The following KHDRBS3 variants were observed in gnomAD, a reference collection of about 807,000 sequenced individuals.
The protein encoded by KHDRBS3 is KH domain-containing, RNA-binding, signal transduction-associated protein 3.
KHDRBS3 carries 23 observed loss-of-function variants against 45.6 expected under a neutral mutation model. That is an observed-to-expected ratio of 0.50 (90% CI 0.36 to 0.72). The LOEUF is 0.72. KHDRBS3 is among the 30% of genes least tolerant of loss of function. The pLI is 0.00. For missense variants in KHDRBS3, 352 were observed against 424.8 expected, an observed-to-expected ratio of 0.83 and a Z score of 1.51; for synonymous variants, 162 against 156.5, an observed-to-expected ratio of 1.04 and a Z score of -0.26.
chr8:135,626,960 G>C lies in KHDRBS3; in HGVS notation c.891-18099G>C, dbSNP rs186546612. Among the ~76,000 whole-genome samples, 351 of 152,110 alleles carry C rather than the reference G, an allele frequency of 2.3e-3. 4 individuals are homozygous for C. The highest frequency in any genetic ancestry group is 4.1e-3 in the Non-Finnish European group (281 of 67,990). The stretch of plus-strand genomic sequence containing the variant: ...CATCTGCAACCTTTTAAGCAACTTT[G>C]TAGTAGGAAGGAGTAGCAGGACATT... On this transcript the variant is annotated intron_variant, in intron 7 of 8. Coordinates refer to ENST00000355849, the MANE Select transcript of KHDRBS3 (RefSeq NM_006558.3).
At chr8:135,530,705 C>T (rs577186938) in intron 2 of KHDRBS3, among the ~76,000 whole-genome samples, 13 of 152,154 alleles carry the variant, frequency 8.5e-5, no homozygotes, top group South Asian at 8.3e-4. Context: ...CTTTTTCCTG[C>T]GTTTTTTACT....
chr8:135,515,324 C>G (rs548412792), intron 1 of KHDRBS3, among the ~76,000 whole-genome samples: 1 of 130,188 alleles, frequency 7.7e-6, no homozygotes, highest in Admixed American at 9.6e-5. Context: ...CAAGATCACG[C>G]CACTGCACTC....
intron 1 of KHDRBS3, among the ~76,000 whole-genome samples, chr8:135,464,602 T>A (rs1301739261): frequency 6.6e-6 from 1 of 152,218 alleles, no homozygotes; most frequent in African/African-American, 2.4e-5. Context: ...CAGATAATGC[T>A]TTTGGCTTTC....
chr8:135,478,000 G>A (rs373072731), intron 1 of KHDRBS3, among the ~76,000 whole-genome samples: 8 of 152,182 alleles, frequency 5.3e-5, no homozygotes, highest in African/African-American at 1.9e-4. Flanking sequence ...AGCACCACCG[G>A]CATTAGAGTC....
intron 7 of KHDRBS3, among the ~76,000 whole-genome samples, chr8:135,616,626 G>A (rs530107351): frequency 8.5e-5 from 13 of 152,302 alleles, no homozygotes; most frequent in East Asian, 3.9e-4. Flanking sequence ...CAGTACTTAC[G>A]ATCAACCATT....
rs145921368 is a variant in KHDRBS3, at chr8:135,486,020, G to A, written c.88+28066G>A. On this transcript the variant is annotated intron_variant, in intron 1 of 8. Transcript: ENST00000355849. ...AGCAGTCTGGACCAGAGGGCACAGAGCAGCATGCCAGAGACTCCATTTGGG... is the reference window on the plus strand; with the variant it reads ...AGCAGTCTGGACCAGAGGGCACAGAACAGCATGCCAGAGACTCCATTTGGG... Among the ~76,000 whole-genome samples the A allele has an allele frequency of 5.9e-3, 895 of 152,076 alleles. 5 individuals are homozygous for A. The highest frequency in any genetic ancestry group is 0.011 in the Admixed American group (169 of 15,284).
intron 7 of KHDRBS3, chr8:135,625,670 AT>A: frequency 1.2e-6 from 1 of 819,900 alleles, no homozygotes; most frequent in Non-Finnish European, 2.1e-6. Context: ...CGAATTCAAA[AT>A]TTTCCTGAAA....
At chr8:135,563,538 C>T (rs1827265965) in intron 5 of KHDRBS3, among the ~76,000 whole-genome samples, 1 of 152,240 alleles carries the variant, frequency 6.6e-6, no homozygotes. Flanking sequence ...TTCACGTTGT[C>T]ATTGGTTATT....
intron 7 of KHDRBS3, among the ~76,000 whole-genome samples, chr8:135,638,466 A>G (rs1830911835): frequency 6.6e-6 from 1 of 152,224 alleles, no homozygotes; most frequent in Non-Finnish European, 1.5e-5. Context: ...AAAAGCAAAA[A>G]CTAACACATA....
At chr8:135,564,529 A>T (rs1827311816) in intron 5 of KHDRBS3, among the ~76,000 whole-genome samples, 1 of 152,208 alleles carries the variant, frequency 6.6e-6, no homozygotes, top group Admixed American at 6.5e-5. Context: ...GGCCTGGGGC[A>T]AATATCATGA....
At chr8:135,626,838 A>AACT in intron 7 of KHDRBS3, among the ~76,000 whole-genome samples, 1 of 149,052 alleles carries the variant, frequency 6.7e-6, no homozygotes, top group African/African-American at 2.5e-5. Flanking sequence ...GCACAGTGGG[A>AACT]ACTGAGGCAG....
At chr8:135,567,649 A>G (rs1827494072) in intron 5 of KHDRBS3, among the ~76,000 whole-genome samples, 1 of 152,164 alleles carries the variant, frequency 6.6e-6, no homozygotes, top group South Asian at 2.1e-4. Context: ...ATAACTATTC[A>G]CTGAAATAGT....
At chr8:135,655,141 C>A (rs1257992763) in intron 4 of KHDRBS3, among the ~76,000 whole-genome samples, 1 of 152,224 alleles carries the variant, frequency 6.6e-6, no homozygotes, top group Non-Finnish European at 1.5e-5. Context: ...TAAGGCAATG[C>A]CCTCATCAAT....
chr8:135,601,954 A>G (rs1428482762), intron 6 of KHDRBS3, among the ~76,000 whole-genome samples: 2 of 152,230 alleles, frequency 1.3e-5, no homozygotes, highest in Admixed American at 6.5e-5. Flanking sequence ...AGATAAGAGC[A>G]TGAGGGAAAA....
At chr8:135,536,260 T>TTA (rs1825750042) in intron 2 of KHDRBS3, among the ~76,000 whole-genome samples, 8 of 132,062 alleles carry the variant, frequency 6.1e-5, no homozygotes, top group African/African-American at 2.1e-4. Flanking sequence ...TTTTTTTTTT[T>TTA]TTATTATTGT....
intron 1 of KHDRBS3, among the ~76,000 whole-genome samples, chr8:135,501,453 T>C (rs1823731898): frequency 6.6e-6 from 1 of 152,210 alleles, no homozygotes; most frequent in Non-Finnish European, 1.5e-5. Flanking sequence ...AAGAATCAAA[T>C]GTAGCTATTT....
intron 5 of KHDRBS3, among the ~76,000 whole-genome samples, chr8:135,574,152 C>T (rs546180708): frequency 2.0e-5 from 2 of 99,170 alleles, no homozygotes; most frequent in East Asian, 2.1e-4. Flanking sequence ...TGTGTTAGCA[C>T]GTCACCTCCA....
At chr8:135,516,569 A>AG (rs1824615556) in intron 1 of KHDRBS3, among the ~76,000 whole-genome samples, 1 of 60,418 alleles carries the variant, frequency 1.7e-5, no homozygotes, top group African/African-American at 6.7e-5. Flanking sequence ...TGTTTCTTAC[A>AG]TTGTGTGTGT....
chr8:135,655,586 A>G lies in KHDRBS3; in HGVS notation c.*118-640A>G, dbSNP rs541452987. Among the ~76,000 whole-genome samples, 11 of 152,308 alleles carry G rather than the reference A, an allele frequency of 7.2e-5. No homozygotes were observed. The East Asian group carries it at 1.9e-3, about 27-fold the overall frequency. ...GAGACAGAGGAAGGGGCTGGGTCCT[A>G]TGGAGCCATCGGCGATGTCCTGAGT... On this transcript the variant is annotated intron_variant and NMD_transcript_variant, in intron 4 of 4. Transcript: ENST00000521461.
Sources: gnomAD v4.1 joint callset for allele counts (sites outside exome capture counted in the v4.1 genomes callset) on GRCh38, gnomAD v4.1.1 for gene constraint, MANE v1.5 for transcripts, NCBI Gene and HGNC (gene_info 2026-07-23, HGNC 2026-07-21) for gene names.